RSF1: variants seen among roughly 807,000 people sequenced by gnomAD.
RSF1 encodes HBV pX-associated protein 8.
Under a neutral mutation model 145.2 loss-of-function variants are expected in RSF1, and 13 were observed. The observed-to-expected ratio is 0.09, with a 90% confidence interval of 0.06 to 0.14. The LOEUF is 0.14. Among genes scored for constraint, RSF1 ranks in the 10% least tolerant of loss-of-function variants. The pLI is 1.00. For missense variants in RSF1, 1,517 were observed against 1,718.2 expected (o/e 0.88, Z 2.07); for synonymous variants, 577 against 592.6 (o/e 0.97, Z 0.38).
upstream of RSF1, among the ~76,000 whole-genome samples, chr11:77,821,516 G>A (rs920686752): frequency 6.6e-6 from 1 of 152,100 alleles, no homozygotes; most frequent in Admixed American, 6.5e-5. Flanking sequence ...GGAACTCTGG[G>A]GGAATCGTCG....
chr11:77,800,545 G>A (rs1474732467), intron 1 of RSF1, among the ~76,000 whole-genome samples: 1 of 152,012 alleles, frequency 6.6e-6, no homozygotes, highest in Non-Finnish European at 1.5e-5. Context: ...AGTACCAGAT[G>A]GCTTCACTAA....
chr11:77,815,902 G>A (rs1948777191), intron 1 of RSF1, among the ~76,000 whole-genome samples: 1 of 151,934 alleles, frequency 6.6e-6, no homozygotes, highest in Admixed American at 6.6e-5. Context: ...TAAATTTAAG[G>A]CAAACTTCTT....
chr11:77,773,206 C>T (rs1207658832), intron 1 of RSF1, among the ~76,000 whole-genome samples: 1 of 152,192 alleles, frequency 6.6e-6, no homozygotes, highest in South Asian at 2.1e-4. Flanking sequence ...AGTGTACCAT[C>T]CAATGGCTTT....
chr11:77,867,427 T>G, the RSF1 span, among the ~76,000 whole-genome samples: 1 of 152,188 alleles, frequency 6.6e-6, no homozygotes, highest in South Asian at 2.1e-4. Flanking sequence ...ACTCCATTTC[T>G]TCTCATCCTA....
At chr11:77,835,207 A>G in the RSF1 span, among the ~76,000 whole-genome samples, 1 of 152,290 alleles carries the variant, frequency 6.6e-6, no homozygotes, top group African/African-American at 2.4e-5. Flanking sequence ...CTTTCAGGAA[A>G]TTTCTTAAAG....
chr11:77,727,996 C>T (rs1961099873), intron 4 of RSF1, among the ~76,000 whole-genome samples: 1 of 152,046 alleles, frequency 6.6e-6, no homozygotes, highest in Non-Finnish European at 1.5e-5. Context: ...TTTATGAATT[C>T]CCTCAAATCA....
At chr11:77,694,424 T>TA (rs1252669729) in intron 7 of RSF1, among the ~76,000 whole-genome samples, 1 of 152,228 alleles carries the variant, frequency 6.6e-6, no homozygotes, top group African/African-American at 2.4e-5. Flanking sequence ...CATCATGTAA[T>TA]ACAAAGGTTC....
intron 6 of RSF1, among the ~76,000 whole-genome samples, chr11:77,699,290 C>G (rs1413708728): frequency 1.3e-5 from 2 of 152,072 alleles, no homozygotes; most frequent in African/African-American, 4.8e-5. Context: ...TATATACATT[C>G]AGAGAGCAAA....
At chr11:77,812,743 A>T (rs2135989192) in intron 1 of RSF1, among the ~76,000 whole-genome samples, 1 of 152,218 alleles carries the variant, frequency 6.6e-6, no homozygotes, top group Non-Finnish European at 1.5e-5. Flanking sequence ...CAAAAAAATT[A>T]GCTGGGCGTG....
chr11:77,702,718 T>TTTC lies in RSF1; in HGVS notation c.734-226_734-224dup, dbSNP rs1166194640. ...TAAAAAAAATTTAGAAAAATTTAGG[T>TTTC]TTCTGCTTTTTACTTTTTGTTTTGG... On this transcript the variant is annotated intron_variant, in intron 5 of 15. Coordinates refer to ENST00000308488, the MANE Select transcript of RSF1 (RefSeq NM_016578.4). 7.4e-5 allele frequency: 26 copies of TTTC among 349,342 alleles called. No homozygotes were observed. The East Asian group carries it at 1.1e-3, about 15-fold the overall frequency. The allele number at this position is 349,342 out of a possible 1,614,324, so 21.6% of individuals were successfully genotyped here. A position where few individuals can be genotyped will look rare whatever the true frequency, so the allele number is the denominator to read the frequency against.
intron 1 of RSF1, among the ~76,000 whole-genome samples, chr11:77,795,834 A>T (rs1948566538): frequency 6.6e-6 from 1 of 152,206 alleles, no homozygotes; most frequent in African/African-American, 2.4e-5. Context: ...TCGGCTGTGA[A>T]TCCATCTGGT....
chr11:77,841,402 C>T, the RSF1 span: 1 of 591,474 alleles, frequency 1.7e-6, no homozygotes, highest in Admixed American at 2.9e-5. Flanking sequence ...AACCCAGTTT[C>T]CCAAGATTCT....
chr11:77,753,857 C>A (rs746388290), intron 2 of RSF1, among the ~76,000 whole-genome samples: 3 of 152,198 alleles, frequency 2.0e-5, no homozygotes, highest in African/African-American at 4.8e-5. Context: ...AGTGGCTCCA[C>A]GTGGACCTGC....
chr11:77,781,557 G>A (rs1254087957), intron 1 of RSF1, among the ~76,000 whole-genome samples: 5 of 152,160 alleles, frequency 3.3e-5, no homozygotes, highest in African/African-American at 1.2e-4. Context: ...CAAACATTTT[G>A]CCAATGTAAG....
In RSF1 at chr11:77,693,619, A is replaced by C. The variant is rs1011779532; in HGVS notation, c.2716-8T>G. The C allele has an allele frequency of 3.1e-6, 5 of 1,598,288 alleles. No individual in the cohort carries two copies. The African/African-American group carries it at 6.7e-5, about 21-fold the overall frequency. ...AGAGTCACACAGAAGAATCTGAAAT[A>C]ACCACACTGATGTCAACCTAACTAT... On this transcript the variant is annotated splice_region_variant and splice_polypyrimidine_tract_variant and intron_variant, in intron 7 of 15. Coordinates refer to ENST00000308488, the MANE Select transcript of RSF1 (RefSeq NM_016578.4).
At chr11:77,734,752 T>A (rs1358280758) in intron 4 of RSF1, 2 of 1,551,012 alleles carry the variant, frequency 1.3e-6, no homozygotes, top group Non-Finnish European at 1.8e-6. Context: ...CTCCCAGTCA[T>A]CACAGTCTGG....
intron 1 of RSF1, among the ~76,000 whole-genome samples, chr11:77,799,928 A>T (rs940033823): frequency 2.3e-4 from 35 of 152,186 alleles, no homozygotes; most frequent in Non-Finnish European, 5.0e-4. Flanking sequence ...ACTTCACTGA[A>T]ACAAACTACC....
chr11:77,759,464 G>A (rs559922534), intron 2 of RSF1, among the ~76,000 whole-genome samples: 5 of 152,282 alleles, frequency 3.3e-5, no homozygotes, highest in East Asian at 1.9e-4. Context: ...GGCAGATCAC[G>A]AGGTCAAGAG....
At position 77,691,150 on chromosome 11, in the gene RSF1, T is replaced by C. The variant is rs368535551; in HGVS notation, c.2900+9A>G. ...CCCAAACAAAACATTAACACACATA[T>C]AAAAATACCTTCGTTCGGCACGCTC... On this transcript the variant is annotated intron_variant, in intron 9 of 15. Coordinates refer to ENST00000308488, the MANE Select transcript of RSF1 (RefSeq NM_016578.4). 2.5e-6 allele frequency: 4 copies of C among 1,611,790 alleles called. No individual in the cohort carries two copies. The highest frequency in any genetic ancestry group is 1.3e-5 in the African/African-American group (1 of 74,990).
Sources: allele counts gnomAD v4.1 joint callset (sites outside exome capture counted in the v4.1 genomes callset), GRCh38; gene constraint gnomAD v4.1.1; transcripts MANE v1.5; gene names NCBI Gene and HGNC (gene_info 2026-07-23, HGNC 2026-07-21).